SAMD5: variants seen among roughly 807,000 people sequenced by gnomAD.
SAMD5 encodes sterile alpha motif domain containing 5.
Under a neutral mutation model 11.3 loss-of-function variants are expected in SAMD5, and 13 were observed. The observed-to-expected ratio is 1.15, with a 90% CI of 0.75 to 1.83. SAMD5 has a LOEUF of 1.83. Ranked by LOEUF, SAMD5 falls within the 40% of genes most tolerant of loss-of-function variation. The probability of loss-of-function intolerance (pLI) is 0.00; values close to 1 mark genes in which losing one functional copy is unlikely to be tolerated. For missense variants in SAMD5, 255 were observed against 239.1 expected (o/e 1.07, Z -0.44); for synonymous variants, 129 against 111.3 (o/e 1.16, Z -1.00).
downstream of SAMD5, among the ~76,000 whole-genome samples, chr6:147,740,855 C>T (rs371332121): frequency 3.9e-5 from 6 of 152,172 alleles, no homozygotes; most frequent in African/African-American, 9.7e-5. Flanking sequence ...AACATACACA[C>T]GAAGCTTCAT....
intron 1 of SAMD5, among the ~76,000 whole-genome samples, chr6:147,587,385 G>A (rs909904815): frequency 7.2e-5 from 11 of 151,944 alleles, no homozygotes; most frequent in East Asian, 1.9e-4. Flanking sequence ...TTATAGGCAT[G>A]TGCCACTGTG....
chr6:147,672,232 A>G (rs1024232999), intron 1 of SAMD5, among the ~76,000 whole-genome samples: 1 of 152,098 alleles, frequency 6.6e-6, no homozygotes, highest in African/African-American at 2.4e-5. Flanking sequence ...ATTATTAAAG[A>G]TACACAAGGA....
chr6:147,830,251 CTTTTTTTTTTTTT>C, the SAMD5 span, among the ~76,000 whole-genome samples: 70 of 84,938 alleles, frequency 8.2e-4, no homozygotes, highest in African/African-American at 3.0e-3. Flanking sequence ...TTCTTTCTTT[CTTTTTTTTTTTTT>C]TTTTTTTTTT....
the SAMD5 span, among the ~76,000 whole-genome samples, chr6:147,818,042 C>T: frequency 6.6e-6 from 1 of 152,126 alleles, no homozygotes; most frequent in Non-Finnish European, 1.5e-5. Context: ...TGGAAGAAAT[C>T]ACTACTTCTA....
At chr6:147,954,392 C>A in the SAMD5 span, among the ~76,000 whole-genome samples, 39,808 of 152,102 alleles carry the variant, frequency 0.26, 6,229 homozygotes, top group African/African-American at 0.44. Flanking sequence ...GTGGTCCCAT[C>A]AGATTACAAT....
the SAMD5 span, among the ~76,000 whole-genome samples, chr6:147,866,007 C>T: frequency 0.69 from 105,547 of 152,066 alleles, 36,825 homozygotes; most frequent in Non-Finnish European, 0.72. Context: ...CACTTGAAAC[C>T]TTTATGTTTT....
chr6:147,894,855 G>T, the SAMD5 span, among the ~76,000 whole-genome samples: 1,176 of 152,272 alleles, frequency 7.7e-3, 41 homozygotes, highest in Admixed American at 0.065. Flanking sequence ...TGGCAGAAAA[G>T]AAATTCACAT....
At chr6:147,827,366 G>A in the SAMD5 span, among the ~76,000 whole-genome samples, 2 of 152,118 alleles carry the variant, frequency 1.3e-5, no homozygotes, top group African/African-American at 2.4e-5. Context: ...TATAGGCATA[G>A]TGAAATGATA....
rs702352 is a variant in SAMD5 at position 147,569,159 on chromosome 6, C to T, written c.*4703C>T. 12,744 of 182,252 alleles carry T rather than the reference C, an allele frequency of 0.07. 805 individuals carry two copies. The highest frequency in any genetic ancestry group is 0.18 in the African/African-American group (7,600 of 41,132). The allele number at this position is 182,252 out of a possible 1,614,324, so 11.3% of individuals were successfully genotyped here. ...TGGCTTGAACCCAGGAGGTGGAGGT[C>T]GCAGTGAGCTGAGATCGCGCCAGTG... On this transcript the variant is annotated 3_prime_UTR_variant, in exon 2 of 2. Coordinates refer to ENST00000367474, the MANE Select transcript of SAMD5 (RefSeq NM_001030060.3).
intron 1 of SAMD5, among the ~76,000 whole-genome samples, chr6:147,525,193 C>T (rs1330471825): frequency 6.6e-6 from 1 of 150,474 alleles, no homozygotes; most frequent in Non-Finnish European, 1.5e-5. Context: ...CCCTCAAGAA[C>T]TTATTGTGGC....
chr6:147,808,717 A>G, the SAMD5 span, among the ~76,000 whole-genome samples: 1 of 152,222 alleles, frequency 6.6e-6, no homozygotes, highest in Non-Finnish European at 1.5e-5. Flanking sequence ...AATTGAATGT[A>G]TAATATATTG....
At chr6:147,824,594 AAAAAAGAGG>A in the SAMD5 span, among the ~76,000 whole-genome samples, 2 of 152,136 alleles carry the variant, frequency 1.3e-5, no homozygotes, top group Non-Finnish European at 2.9e-5. Flanking sequence ...GGCTGGGGTA[AAAAAAGAGG>A]AAAAATTGCC....
chr6:147,896,738 CAAAAAAAAAAAA>C, the SAMD5 span, among the ~76,000 whole-genome samples: 2 of 55,322 alleles, frequency 3.6e-5, no homozygotes, highest in Non-Finnish European at 6.9e-5. Flanking sequence ...GAACATTAAC[CAAAAAAAAAAAA>C]AAAAAAAAAA....
chr6:147,856,547 G>T, the SAMD5 span, among the ~76,000 whole-genome samples: 1 of 152,174 alleles, frequency 6.6e-6, no homozygotes, highest in Admixed American at 6.6e-5. Context: ...GATAGGACAG[G>T]ATGTGTAGAG....
intron 1 of SAMD5, among the ~76,000 whole-genome samples, chr6:147,673,877 G>A (rs1790829150): frequency 6.6e-6 from 1 of 151,970 alleles, no homozygotes; most frequent in Non-Finnish European, 1.5e-5. Flanking sequence ...GTGGAGGTCA[G>A]TTTGTCAGAA....
intron 1 of SAMD5, among the ~76,000 whole-genome samples, chr6:147,530,385 G>A (rs1382920572): frequency 1.3e-5 from 2 of 152,246 alleles, no homozygotes; most frequent in Non-Finnish European, 2.9e-5. Flanking sequence ...TGGTGTGTGC[G>A]CAGCACAAAG....
chr6:147,806,263 C>T, the SAMD5 span, among the ~76,000 whole-genome samples: 2 of 152,170 alleles, frequency 1.3e-5, no homozygotes, highest in East Asian at 1.9e-4. Context: ...ACATCAACAG[C>T]GACACTAAGG....
At chr6:147,692,816 G>T (rs1335742896) in intron 1 of SAMD5, among the ~76,000 whole-genome samples, 1 of 152,186 alleles carries the variant, frequency 6.6e-6, no homozygotes, top group Non-Finnish European at 1.5e-5. Flanking sequence ...AATTGAGATT[G>T]CAGGTTAGGT....
chr6:147,565,112 T>A lies in SAMD5; in HGVS notation c.*656T>A. 2 of 985,100 alleles carry A rather than the reference T, an allele frequency of 2.0e-6. No individual in the cohort carries two copies. Among genetic ancestry groups the A allele is most frequent in the Non-Finnish European group, 2.4e-6 (2 of 829,550 alleles). 61.0% of individuals were successfully genotyped at this position (985,100 alleles called of 1,614,324 possible). ...ATTTCTTCTAACTTCTCTTTTTAAA[T>A]TTAATCTGGCTGAGGTTTAGTATTA... On this transcript the variant is annotated 3_prime_UTR_variant, in exon 2 of 2. Transcript: ENST00000367474.
Sources: allele counts gnomAD v4.1 joint callset (sites outside exome capture counted in the v4.1 genomes callset), GRCh38; gene constraint gnomAD v4.1.1; transcripts MANE v1.5; gene names NCBI Gene and HGNC (gene_info 2026-07-23, HGNC 2026-07-21).